TENM2: variants seen among roughly 807,000 people sequenced by gnomAD.
TENM2 encodes teneurin-2.
TENM2 carries 52 observed loss-of-function variants against 245.2 expected under a neutral mutation model. The observed-to-expected ratio is 0.21, with a 90% CI of 0.17 to 0.27. The LOEUF is 0.27. Among genes scored for constraint, TENM2 ranks in the 10% least tolerant of loss-of-function variants. The pLI is 1.00. For missense variants in TENM2, 3,046 were observed against 3,666.8 expected (o/e 0.83, Z 4.37); for synonymous variants, 1,363 against 1,438.9 (o/e 0.95, Z 1.19).
intron 2 of TENM2, among the ~76,000 whole-genome samples, chr5:167,553,708 G>A (rs1253421697): frequency 6.6e-6 from 1 of 152,202 alleles, no homozygotes. Context: ...TTTCTAATGA[G>A]ACCAGCACAA....
At chr5:167,980,098 A>T (rs1782723752) in intron 4 of TENM2, among the ~76,000 whole-genome samples, 1 of 152,168 alleles carries the variant, frequency 6.6e-6, no homozygotes. Flanking sequence ...GGGGCTGGAG[A>T]TACAATGGTG....
rs922583221 is a variant in TENM2 at position 168,036,679 on chromosome 5, A to G, written c.1187-10748A>G. ...ATATATATATAATATATGTATGTGT[A>G]TATATATATATATATATATATGTAT... On this transcript the variant is annotated intron_variant, in intron 5 of 28. Transcript: ENST00000518659. Among the ~76,000 whole-genome samples the G allele has an allele frequency of 4.8e-3, 504 of 104,958 alleles. 20 individuals carry two copies. Among genetic ancestry groups the G allele is most frequent in the African/African-American group, 0.024 (457 of 18,678 alleles). 68.9% of individuals were successfully genotyped at this position (104,958 alleles called of 152,430 possible).
At chr5:167,298,430 C>A (rs1451253985) in intron 1 of TENM2, among the ~76,000 whole-genome samples, 1 of 152,114 alleles carries the variant, frequency 6.6e-6, no homozygotes, top group South Asian at 2.1e-4. Flanking sequence ...GGTGAAACCC[C>A]TTCTTTACTA....
chr5:167,639,501 G>C (rs1228952464), intron 2 of TENM2, among the ~76,000 whole-genome samples: 1 of 152,074 alleles, frequency 6.6e-6, no homozygotes, highest in Non-Finnish European at 1.5e-5. Context: ...TCAGAATACT[G>C]ACCTTCTTCC....
chr5:167,177,166 C>T, the TENM2 span, among the ~76,000 whole-genome samples: 1 of 152,102 alleles, frequency 6.6e-6, no homozygotes, highest in Non-Finnish European at 1.5e-5. Context: ...GGGCTTTTTT[C>T]CTCCAGTTTT....
At chr5:167,974,023 GGAAGGAAGGAAGGAGAAGGAA>G (rs1562000874) in intron 4 of TENM2, among the ~76,000 whole-genome samples, 6 of 70,368 alleles carry the variant, frequency 8.5e-5, no homozygotes, top group African/African-American at 5.7e-4. Flanking sequence ...GAGGGAGGGA[GGAAGGAAGGAAGGAGAAGGAA>G]GGAAGGGAGG....
At chr5:167,925,487 G>A (rs1479841651) in intron 3 of TENM2, among the ~76,000 whole-genome samples, 3 of 152,166 alleles carry the variant, frequency 2.0e-5, no homozygotes, top group African/African-American at 7.2e-5. Context: ...CAAATTATAT[G>A]CTTAAGACAC....
At chr5:167,271,202 G>A in the TENM2 span, among the ~76,000 whole-genome samples, 337 of 152,238 alleles carry the variant, frequency 2.2e-3, no homozygotes, top group African/African-American at 7.8e-3. Flanking sequence ...TGCATGGTGA[G>A]GAGGAGTGGG....
At chr5:167,640,899 A>ATATATATATATATATATATATATATG (rs1779562050) in intron 2 of TENM2, among the ~76,000 whole-genome samples, 1 of 93,120 alleles carries the variant, frequency 1.1e-5, no homozygotes, top group Non-Finnish European at 2.1e-5. Flanking sequence ...ATATATATAT[A>ATATATATATATATATATATATATATG]TATATATCTT....
At chr5:167,737,987 G>A (rs1335323707) in intron 2 of TENM2, among the ~76,000 whole-genome samples, 1 of 152,204 alleles carries the variant, frequency 6.6e-6, no homozygotes, top group Non-Finnish European at 1.5e-5. Flanking sequence ...GGCCTCAGCT[G>A]TCATGGCTGT....
chr5:166,997,965 C>T, the TENM2 span, among the ~76,000 whole-genome samples: 18 of 152,010 alleles, frequency 1.2e-4, no homozygotes, highest in East Asian at 2.1e-3. Flanking sequence ...TTTATGTACT[C>T]CCTCTAGTTT....
chr5:167,118,777 G>C, the TENM2 span, among the ~76,000 whole-genome samples: 3 of 152,132 alleles, frequency 2.0e-5, no homozygotes, highest in African/African-American at 7.2e-5. Flanking sequence ...GCCTAGCAAG[G>C]GTAGTACGGA....
At chr5:167,733,595 A>G (rs953506463) in intron 2 of TENM2, among the ~76,000 whole-genome samples, 1 of 152,226 alleles carries the variant, frequency 6.6e-6, no homozygotes, top group African/African-American at 2.4e-5. Context: ...CTTGCGCCAG[A>G]GTACCTATCC....
chr5:167,575,565 G>A (rs902012068), intron 2 of TENM2, among the ~76,000 whole-genome samples: 3 of 152,138 alleles, frequency 2.0e-5, no homozygotes, highest in Non-Finnish European at 4.4e-5. Context: ...ATTTTATGAG[G>A]ACATCAGAAA....
chr5:168,245,148 T>A (rs571497350), intron 26 of TENM2, among the ~76,000 whole-genome samples: 1 of 146,182 alleles, frequency 6.8e-6, no homozygotes, highest in African/African-American at 2.5e-5. Flanking sequence ...TACAAGGACT[T>A]CCCTCCTGCT....
At chr5:167,072,778 A>C in the TENM2 span, among the ~76,000 whole-genome samples, 2 of 152,202 alleles carry the variant, frequency 1.3e-5, no homozygotes, top group African/African-American at 4.8e-5. Flanking sequence ...TAAATGTAAA[A>C]GTCAGCAAAA....
At chr5:167,874,235 C>G (rs1368350336) in intron 2 of TENM2, among the ~76,000 whole-genome samples, 1 of 152,194 alleles carries the variant, frequency 6.6e-6, no homozygotes, top group Non-Finnish European at 1.5e-5. Context: ...ACACATTTAC[C>G]TGTCTGTCTC....
chr5:168,083,924 C>A (rs2617988), intron 7 of TENM2, among the ~76,000 whole-genome samples: 34,842 of 151,872 alleles, frequency 0.23, 4,107 homozygotes, highest in East Asian at 0.36. Context: ...CCTCCCTCTC[C>A]GCCCTCTCTA....
At chr5:167,498,607 G>A (rs1768966814) in intron 2 of TENM2, among the ~76,000 whole-genome samples, 1 of 152,012 alleles carries the variant, frequency 6.6e-6, no homozygotes, top group African/African-American at 2.4e-5. Flanking sequence ...AGCAGATACA[G>A]GAGATAAACA....
Sources: allele counts gnomAD v4.1 joint callset (sites outside exome capture counted in the v4.1 genomes callset), GRCh38; gene constraint gnomAD v4.1.1; transcripts MANE v1.5; gene names NCBI Gene and HGNC (gene_info 2026-07-23, HGNC 2026-07-21).